Variants in ITGA8 observed in about 807,000 individuals in gnomAD.
The protein encoded by ITGA8 is integrin subunit alpha 8.
ITGA8 carries 91 observed loss-of-function variants against 142.3 expected under a neutral mutation model. The ratio of observed to expected loss-of-function variants is 0.64; its 90% CI spans 0.54 to 0.76. ITGA8 has a LOEUF of 0.76. ITGA8 is among the 30% of genes least tolerant of loss of function. The pLI, the probability that ITGA8 is intolerant of heterozygous loss-of-function variation, is 0.00. For synonymous variants in ITGA8, 505 were observed against 485.2 expected (o/e 1.04, Z -0.54); for missense variants, 1,406 against 1,327.7 (o/e 1.06, Z -0.92).
chr10:15,606,228 A>G, intron 18 of ITGA8, 57 bp downstream of exon 18: 13 of 1,488,096 alleles, frequency 8.7e-6, no homozygotes, highest in Non-Finnish European at 1.2e-5. Context: ...AGCCATGAGA[A>G]CAACACCCCA....
intron 4 of ITGA8, among the ~76,000 whole-genome samples, chr10:15,680,023 A>C (rs1834705808): frequency 6.6e-6 from 1 of 152,186 alleles, no homozygotes; most frequent in Non-Finnish European, 1.5e-5. Flanking sequence ...ATGGAAACTG[A>C]AATAAGAGAA....
At chr10:15,574,342 G>A (rs1834241558) in intron 24 of ITGA8, among the ~76,000 whole-genome samples, 2 of 152,264 alleles carry the variant, frequency 1.3e-5, no homozygotes, top group South Asian at 4.1e-4. Flanking sequence ...TGGATGAAAA[G>A]TAAAATTATT....
intron 11 of ITGA8, among the ~76,000 whole-genome samples, chr10:15,653,218 C>T (rs1026952767): frequency 2.0e-5 from 3 of 152,196 alleles, no homozygotes; most frequent in African/African-American, 7.2e-5. Flanking sequence ...CTGGTCCTCA[C>T]CTCCCTTAGG....
chr10:15,672,845 G>A, intron 6 of ITGA8, 96 bp from the exon 7 acceptor site: 1 of 1,335,866 alleles, frequency 7.5e-7, no homozygotes, highest in Non-Finnish European at 9.9e-7. Context: ...TGGTGGAATT[G>A]CTTGCTTTTT....
At chr10:15,688,112 C>T in intron 2 of ITGA8, 74 bp from the exon 3 acceptor site, 2 of 1,001,802 alleles carry the variant, frequency 2.0e-6, no homozygotes, top group South Asian at 2.6e-5. Context: ...TAAATTTGTA[C>T]ATTAAAAATA....
intron 2 of ITGA8, among the ~76,000 whole-genome samples, chr10:15,693,361 GTTTAC>G (rs1278038810): frequency 6.6e-6 from 1 of 152,176 alleles, no homozygotes; most frequent in Admixed American, 6.5e-5. Flanking sequence ...TTTCAATTGA[GTTTAC>G]TTATGATTAC....
intron 28 of ITGA8, among the ~76,000 whole-genome samples, chr10:15,526,045 T>C (rs998145746): frequency 4.6e-5 from 7 of 152,162 alleles, no homozygotes; most frequent in Admixed American, 2.0e-4. Context: ...TGTGTGAAAA[T>C]GAAATAAAAC....
chr10:15,556,907 T>C (rs981264735), intron 26 of ITGA8, among the ~76,000 whole-genome samples: 1 of 152,240 alleles, frequency 6.6e-6, no homozygotes. Flanking sequence ...TACTTCTGCA[T>C]AGCTGGAGAA....
chr10:15,560,630 C>T (rs76565807), intron 25 of ITGA8, among the ~76,000 whole-genome samples: 1 of 152,026 alleles, frequency 6.6e-6, no homozygotes, highest in African/African-American at 2.4e-5. Context: ...TACTACTGGA[C>T]AGGTTTTAAA....
At chr10:15,535,481 G>A (rs1018193593) in intron 27 of ITGA8, among the ~76,000 whole-genome samples, 1 of 152,186 alleles carries the variant, frequency 6.6e-6, no homozygotes, top group African/African-American at 2.4e-5. Flanking sequence ...TGTAGCTCAA[G>A]GTTTGTAAAC....
intron 13 of ITGA8, among the ~76,000 whole-genome samples, chr10:15,624,085 A>G (rs747323240): frequency 6.6e-6 from 1 of 152,154 alleles, no homozygotes; most frequent in African/African-American, 2.4e-5. Flanking sequence ...TCCCTGGCTT[A>G]GGGAACCCTG....
At chr10:15,701,116 A>G (rs939033087) in intron 2 of ITGA8, among the ~76,000 whole-genome samples, 7 of 152,168 alleles carry the variant, frequency 4.6e-5, no homozygotes, top group Non-Finnish European at 8.8e-5. Context: ...TCAAGGGTAC[A>G]TTGTTCAGTA....
chr10:15,671,497 C>A, intron 8 of ITGA8, 106 bp downstream of exon 8: 1 of 874,534 alleles, frequency 1.1e-6, no homozygotes, highest in Non-Finnish European at 1.9e-6. Context: ...CCATTAATAT[C>A]CCTTTGGTAT....
chr10:15,644,007 T>C (rs1002462973), intron 13 of ITGA8, 23 bp downstream of exon 13: 3 of 1,599,248 alleles, frequency 1.9e-6, no homozygotes, highest in African/African-American at 1.3e-5. Context: ...GACTCTCACG[T>C]GGGAAAAGAA....
At chr10:15,522,176 G>T (rs1001748325) in intron 28 of ITGA8, among the ~76,000 whole-genome samples, 1 of 152,188 alleles carries the variant, frequency 6.6e-6, no homozygotes, top group Non-Finnish European at 1.5e-5. Flanking sequence ...TATACGTTAT[G>T]TGCACGTGTG....
chr10:15,637,837 T>G (rs937716212), intron 13 of ITGA8, among the ~76,000 whole-genome samples: 2 of 151,822 alleles, frequency 1.3e-5, no homozygotes, highest in African/African-American at 4.8e-5. Flanking sequence ...CTTGATGTTT[T>G]CCAAAAAGAA....
At chr10:15,633,834 C>T (rs576783835) in intron 13 of ITGA8, among the ~76,000 whole-genome samples, 284 of 152,276 alleles carry the variant, frequency 1.9e-3, no homozygotes, top group African/African-American at 6.5e-3. Context: ...AATGTTGTAT[C>T]CCTTGATAAT....
At chr10:15,585,197 A>G (rs1832801613) in intron 23 of ITGA8, among the ~76,000 whole-genome samples, 1 of 152,236 alleles carries the variant, frequency 6.6e-6, no homozygotes, top group African/African-American at 2.4e-5. Flanking sequence ...TTATGTAGAT[A>G]AGTTTCAAAA....
At chr10:15,692,185 G>A (rs1834948053) in intron 2 of ITGA8, among the ~76,000 whole-genome samples, 1 of 151,700 alleles carries the variant, frequency 6.6e-6, no homozygotes, top group Non-Finnish European at 1.5e-5. Flanking sequence ...TTCCCACCTT[G>A]GCCTCCCAAA....
Sources: gnomAD v4.1 joint callset for allele counts (sites outside exome capture counted in the v4.1 genomes callset) on GRCh38, gnomAD v4.1.1 for gene constraint, MANE v1.5 for transcripts, NCBI Gene and HGNC (gene_info 2026-07-23, HGNC 2026-07-21) for gene names.